The following GANAB variants were observed in gnomAD, a reference collection of about 807,000 sequenced individuals.
GANAB encodes neutral alpha-glucosidase AB.
Under a neutral mutation model 129.9 loss-of-function variants are expected in GANAB, and 35 were observed. That is an observed-to-expected ratio of 0.27 (90% CI 0.21 to 0.36). The LOEUF is 0.36. Among genes scored for constraint, GANAB ranks in the 10% least tolerant of loss-of-function variants. GANAB has a pLI of 1.00. For synonymous variants in GANAB, 482 were observed against 451.8 expected (o/e 1.07, Z -0.85); for missense variants, 939 against 1,221.0 (o/e 0.77, Z 3.44).
In GANAB at chr11:62,626,631, C is replaced by T. The variant is rs756108603; in HGVS notation, c.2451G>A (p.Arg817=). 2 of 1,612,726 alleles carry T rather than the reference C, an allele frequency of 1.2e-6. No individual in the cohort carries two copies. Among genetic ancestry groups the T allele is most frequent in the South Asian group, 2.2e-5 (2 of 90,822 alleles). Residue 817 remains arginine, a synonymous_variant, in exon 21 of 24, where the codon CGG becomes CGA. Coordinates refer to ENST00000356638, the MANE Select transcript of GANAB (RefSeq NM_198334.3). ...CATCCTTCATACATTCTGAAGACCG[C>T]CGCACTCGCATCCATCGAGGCACGA... The part of the protein sequence containing the change: ...GTIVPRWMRV[R]RSSECMKDDP...
At chr11:62,635,172 A>G (rs1943888923) in intron 4 of GANAB, among the ~76,000 whole-genome samples, 172 bp from the exon 5 acceptor site, 1 of 151,866 alleles carries the variant, frequency 6.6e-6, no homozygotes, top group South Asian at 2.1e-4. Context: ...AGACCCAAGC[A>G]TATTTATTAC....
At position 62,628,991 on chromosome 11, in the gene GANAB, T is replaced by C. The variant is rs753703761; in HGVS notation, c.1958A>G (p.Lys653Arg). Residue 653 changes from lysine (K) to arginine (R), a missense_variant, in exon 17 of 24, where the codon AAA (lysine) becomes AGA (arginine). Physicochemically the swap from Lys to Arg is conservative, Grantham distance 26. Coordinates refer to ENST00000356638, the MANE Select transcript of GANAB (RefSeq NM_198334.3). ...CACAAGCAGCTCTGGCTCTGGGTTT[T>C]TGAAGAAGCCACCCACATCCGCTGG... ...FCGADVGGFF[K>R]NPEPELLVRW... 1.9e-6 allele frequency: 3 copies of C among 1,613,148 alleles called. No individual in the cohort carries two copies. Among genetic ancestry groups the C allele is most frequent in the Non-Finnish European group, 2.5e-6 (3 of 1,179,172 alleles).
rs1335285265 is a variant in GANAB, at chr11:62,627,030, T to C, written c.2322+18A>G. 6.8e-6 allele frequency: 11 copies of C among 1,607,974 alleles called. No homozygotes were observed. The highest frequency in any genetic ancestry group is 4.4e-5 in the South Asian group (4 of 90,976). ...TGGCTTCCACCATCTTTCCCCACCA[T>C]GCCCTTCCTTAACTCACCTCCCCTT... On this transcript the variant is annotated intron_variant, in intron 19 of 23. Coordinates refer to ENST00000356638, the MANE Select transcript of GANAB (RefSeq NM_198334.3).
chr11:62,628,711 G>C (rs1394845732), intron 17 of GANAB, 58 bp downstream of exon 17: 5 of 1,576,014 alleles, frequency 3.2e-6, no homozygotes, highest in East Asian at 2.3e-5. Flanking sequence ...ATGAAGCCCA[G>C]TCCCTAATAC....
chr11:62,633,049 A>C lies in GANAB; in HGVS notation c.771T>G (p.Tyr257Ter). 6.2e-7 allele frequency: 1 copy of C among 1,611,956 alleles called. No individual in the cohort carries two copies. Among genetic ancestry groups the C allele is most frequent in the Non-Finnish European group, 8.5e-7 (1 of 1,178,014 alleles). The change falls in exon 8 of 24, where the codon TAT becomes TAG. Residue 257 changes from tyrosine (Y) to a stop codon, truncating the protein, a stop_gained. Transcript: ENST00000356638. LOFTEE classifies it high-confidence loss of function. ...GGTTGTCTGCATGCTCAGGGATCCC[A>C]TAGACATGCTCCATGCCTGGCAGAG... The part of the protein sequence containing the change: ...DFSLPGMEHV[Y>*]GIPEHADNLR...
At position 62,642,292 on chromosome 11, in the gene GANAB, C is replaced by A. The variant is rs188747327; in HGVS notation, c.39-2561G>T. ...CTGGTCTTAAACTCCTGGGCTCAAG[C>A]AGTCCTCCCATCTTGGCCTCCCAAA... On this transcript the variant is annotated intron_variant, in intron 1 of 23. Coordinates refer to ENST00000356638, the MANE Select transcript of GANAB (RefSeq NM_198334.3). 3.4e-3 allele frequency among the ~76,000 whole-genome samples: 510 copies of A among 152,222 alleles called. 3 individuals are homozygous for A. The highest frequency in any genetic ancestry group is 0.011 in the African/African-American group (476 of 41,538).
Position 62,639,435 on chromosome 11 carries a change from GGA to G in GANAB, c.174_175del (p.Pro59IlefsTer13). On this transcript the variant is annotated frameshift_variant, in exon 3 of 24. Transcript: ENST00000356638. LOFTEE classifies it high-confidence loss of function. ...TAGAGAGTCCAGCAAGGCTCGGTAT[GGA>G]GAGAGGCCTGGCCGTATGCTTCTCT... 6.2e-7 allele frequency: 1 copy of G among 1,613,792 alleles called. No individual in the cohort carries two copies. The highest frequency in any genetic ancestry group is 8.5e-7 in the Non-Finnish European group (1 of 1,179,776).
In GANAB at chr11:62,629,222, C is replaced by T; in HGVS notation, c.1908G>A (p.Leu636=). The T allele has an allele frequency of 1.2e-6, 2 of 1,613,276 alleles. No individual in the cohort carries two copies. ...LKISIPMCLS[L]GLVGLSFCGA... is the part of the protein sequence containing the mutation. Reference sequence around the variant, plus strand: ...CACAGAAGGAAAGTCCCACCAGCCCCAAGCTGAGACACATAGGAATAGAGA... The same window carrying T: ...CACAGAAGGAAAGTCCCACCAGCCCTAAGCTGAGACACATAGGAATAGAGA... Residue 636 remains leucine (L), a synonymous_variant, in exon 16 of 24, where the codon TTG becomes TTA. Coordinates refer to ENST00000356638, the MANE Select transcript of GANAB (RefSeq NM_198334.3).
Position 62,633,022 on chromosome 11 carries a change from C to T in GANAB, c.798G>A (p.Leu266=). The change falls in exon 8 of 24, where the codon CTG becomes CTA. Residue 266 remains leucine, a synonymous_variant. Coordinates refer to ENST00000356638, the MANE Select transcript of GANAB (RefSeq NM_198334.3). ...VYGIPEHADN[L]RLKVTEGGEP... ...GGACTCACTCAGTGACCTTCAGCCT[C>T]AGGTTGTCTGCATGCTCAGGGATCC... 1.9e-6 allele frequency: 3 copies of T among 1,602,344 alleles called. No individual in the cohort carries two copies. The highest frequency in any genetic ancestry group is 2.6e-6 in the Non-Finnish European group (3 of 1,169,240).
intron 1 of GANAB, among the ~76,000 whole-genome samples, chr11:62,640,251 A>AAAAAAAAAAG (rs1944175948): frequency 8.2e-6 from 1 of 121,422 alleles, no homozygotes; most frequent in Non-Finnish European, 1.8e-5. Context: ...AAAAAAAAAA[A>AAAAAAAAAAG]AGCCAGGCGC....
At chr11:62,645,749 G>A (rs1220504668) in intron 1 of GANAB, among the ~76,000 whole-genome samples, 1 of 152,080 alleles carries the variant, frequency 6.6e-6, no homozygotes, top group Non-Finnish European at 1.5e-5. Context: ...TAAGCTGCAG[G>A]GCAAGTTGCA....
chr11:62,639,758 C>G (rs1488498661), intron 1 of GANAB, 27 bp from the exon 2 acceptor site: 2 of 1,513,280 alleles, frequency 1.3e-6, no homozygotes, highest in African/African-American at 1.4e-5. Context: ...AAAGACAGAG[C>G]AATCAGCATG....
intron 1 of GANAB, 126 bp downstream of exon 1, chr11:62,646,436 G>T (rs369834498): frequency 8.9e-7 from 1 of 1,124,246 alleles, no homozygotes; most frequent in African/African-American, 1.6e-5. Flanking sequence ...GCCGCCTCCA[G>T]AGGAACAAAG....
chr11:62,627,128 A>C lies in GANAB; in HGVS notation c.2246-4T>G. ...GGGTGAACCAGCAACGCATCCCCTA[A>C]AATATGCCAGAATCAACTCTGAATA... is the stretch of plus-strand genomic sequence containing the variant. On this transcript the variant is annotated splice_polypyrimidine_tract_variant and splice_region_variant and intron_variant, in intron 18 of 23. Coordinates refer to ENST00000356638, the MANE Select transcript of GANAB (RefSeq NM_198334.3). The C allele has an allele frequency of 6.2e-7, 1 of 1,612,180 alleles. No homozygotes were observed.
rs377234605 is a variant in GANAB at position 62,630,480 on chromosome 11, A to G, written c.1412T>C (p.Ile471Thr). 6 of 1,613,984 alleles carry G rather than the reference A, an allele frequency of 3.7e-6. No individual in the cohort carries two copies. Among genetic ancestry groups the G allele is most frequent in the Non-Finnish European group, 5.1e-6 (6 of 1,180,004 alleles). ...AACTCGGTAGCCGGAGTCCACCTTG[A>G]TGTGGGGGTCTACGATGGCCACCAG... ...RKLVAIVDPHIKVDSGYRVHE... is the reference protein window; with the variant it reads ...RKLVAIVDPHTKVDSGYRVHE... Residue 471 changes from isoleucine to threonine, a missense_variant, in exon 12 of 24, where the codon ATC (isoleucine) becomes ACC (threonine). Ile to Thr is a moderately conservative substitution (Grantham distance 89). Around this residue, in one of 5 missense-constraint regions of GANAB, gnomAD observed 220 missense variants for 295.9 expected, o/e 0.74. Transcript: ENST00000356638.
At chr11:62,633,761 C>A in intron 5 of GANAB, 1 of 569,574 alleles carries the variant, frequency 1.8e-6, no homozygotes, top group East Asian at 2.9e-5. Context: ...GAACACCAGC[C>A]TCTGTCAACA....
Position 62,626,137 on chromosome 11 carries a change from T to A in GANAB, c.2653A>T (p.Thr885Ser). 6.2e-7 allele frequency: 1 copy of A among 1,613,566 alleles called. No individual in the cohort carries two copies. The highest frequency in any genetic ancestry group is 8.5e-7 in the Non-Finnish European group (1 of 1,179,510). Reference protein sequence around the residue: ...SSADPEGHFETPIWIERVVII... With the variant: ...SSADPEGHFESPIWIERVVII... ...ACCACCCGCTCAATCCAGATTGGTG[T>A]CTCAAAGTGTCCTTCAGGGTCTGCT... The change falls in exon 23 of 24, where the codon ACA becomes TCA. Residue 885 changes from threonine (T) to serine (S), a missense_variant. Physicochemically the swap from Thr to Ser is moderately conservative, Grantham distance 58 (BLOSUM62 1). Coordinates refer to ENST00000356638, the MANE Select transcript of GANAB (RefSeq NM_198334.3).
At chr11:62,642,679 G>T (rs895321001) in intron 1 of GANAB, among the ~76,000 whole-genome samples, 9 of 152,110 alleles carry the variant, frequency 5.9e-5, no homozygotes, top group Admixed American at 2.0e-4. Context: ...AGATCCGCCC[G>T]TCTCAGTCTC....
Position 62,629,031 on chromosome 11 carries a change from G to GA in GANAB, c.1937-20dup. On this transcript the variant is annotated intron_variant, in intron 16 of 23. Coordinates refer to ENST00000356638, the MANE Select transcript of GANAB (RefSeq NM_198334.3). Reference sequence around the variant, plus strand: ...ACATCCGCTGGTAGAGGAGAGAGAGGAAGCAGGTTGGAAAAGAGGGTGAAG... The same window carrying GA: ...ACATCCGCTGGTAGAGGAGAGAGAGGAAAGCAGGTTGGAAAAGAGGGTGAAG... The GA allele has an allele frequency of 6.2e-7, 1 of 1,608,904 alleles. No individual in the cohort carries two copies. The highest frequency in any genetic ancestry group is 1.1e-5 in the South Asian group (1 of 91,022).
Sources: allele counts gnomAD v4.1 joint callset (sites outside exome capture counted in the v4.1 genomes callset), GRCh38; gene constraint gnomAD v4.1.1; regional missense constraint gnomAD v4.1.1; transcripts MANE v1.5; gene names NCBI Gene and HGNC (gene_info 2026-07-23, HGNC 2026-07-21).